The following SCG2 variants were observed in gnomAD, a reference collection of about 807,000 sequenced individuals.
SCG2 encodes the protein secretogranin-2.
Under a neutral mutation model 49.5 loss-of-function variants are expected in SCG2, and 23 were observed. The ratio of observed to expected loss-of-function variants is 0.46; its 90% CI spans 0.33 to 0.66. SCG2 has a LOEUF of 0.66. Among genes scored for constraint, SCG2 ranks in the 30% least tolerant of loss-of-function variants. SCG2 has a pLI of 0.01. For synonymous variants in SCG2, 288 were observed against 260.4 expected (o/e 1.11, Z -1.02); for missense variants, 730 against 728.2 (o/e 1.00, Z -0.03).
chr2:223,599,207 C>T lies in SCG2; in HGVS notation c.76G>A (p.Glu26Lys). ...TGGTTTCTCTGAAATGAAGCTGCTT[C>T]AGCCCCAGAGATGAGGAAAATTAAA... Reference protein sequence around the residue: ...IPLIFLISGAEAASFQRNQLL... With the variant: ...IPLIFLISGAKAASFQRNQLL... Residue 26 changes from glutamate (E) to lysine (K), a missense_variant, in exon 2 of 2, where the codon GAA (glutamate) becomes AAA (lysine). Glu to Lys is a moderately conservative substitution (Grantham distance 56). Coordinates refer to ENST00000305409, the MANE Select transcript of SCG2 (RefSeq NM_003469.5). 6.2e-7 allele frequency: 1 copy of T among 1,613,262 alleles called. No homozygotes were observed. Among genetic ancestry groups the T allele is most frequent in the Non-Finnish European group, 8.5e-7 (1 of 1,179,240 alleles).
In SCG2 at chr2:223,599,285, T is replaced by G. The variant is rs1353471194; in HGVS notation, c.-3A>C. On this transcript the variant is annotated 5_prime_UTR_variant, in exon 2 of 2. Coordinates refer to ENST00000305409, the MANE Select transcript of SCG2 (RefSeq NM_003469.5). ...CAGTGGGTCTTTGCTTCAGCCATGT[T>G]TGAAAGATTTCCTTAAAACATAAAA... 1 of 1,556,698 alleles carries G rather than the reference T, an allele frequency of 6.4e-7. No homozygotes were observed. Among genetic ancestry groups the G allele is most frequent in the East Asian group, 2.3e-5 (1 of 43,998 alleles).
In SCG2 at chr2:223,597,591, C is replaced by T. The variant is rs749325832; in HGVS notation, c.1692G>A (p.Pro564=). The T allele has an allele frequency of 5.3e-5, 86 of 1,613,954 alleles. No homozygotes were observed. Among genetic ancestry groups the T allele is most frequent in the African/African-American group, 3.6e-4 (27 of 74,896 alleles). Residue 564 remains proline (P), a synonymous_variant, in exon 2 of 2, where the codon CCG becomes CCA. Transcript: ENST00000305409. ...GSSQETDKLA[P]VSKRFPVGPP... is the part of the protein sequence containing the mutation. Reference sequence around the variant, plus strand: ...GCCCCACAGGGAACCTTTTGCTCACCGGGGCCAGCTTGTCAGTCTCCTGAG... The same window carrying T: ...GCCCCACAGGGAACCTTTTGCTCACTGGGGCCAGCTTGTCAGTCTCCTGAG...
At chr2:223,599,911 G>A (rs960195522) in intron 1 of SCG2, among the ~76,000 whole-genome samples, 1 of 152,256 alleles carries the variant, frequency 6.6e-6, no homozygotes, top group East Asian at 1.9e-4. Flanking sequence ...GTCCTATCCA[G>A]ATATATTTTT....
At position 223,598,303 on chromosome 2, in the gene SCG2, T is replaced by G; in HGVS notation, c.980A>C (p.Gln327Pro). 6.2e-7 allele frequency: 1 copy of G among 1,614,196 alleles called. No individual in the cohort carries two copies. The highest frequency in any genetic ancestry group is 1.1e-5 in the South Asian group (1 of 91,088). Residue 327 changes from glutamine to proline, a missense_variant, in exon 2 of 2, where the codon CAG becomes CCG. Coordinates refer to ENST00000305409, the MANE Select transcript of SCG2 (RefSeq NM_003469.5). ...GGCCCTTTCCCCATTTTGCCCATTCTGTAACCTCCCACTTCCTGCAGCATT... is the reference window on the plus strand; with the variant it reads ...GGCCCTTTCCCCATTTTGCCCATTCGGTAACCTCCCACTTCCTGCAGCATT... ...LVNAAGSGRL[Q>P]NGQNGERATR...
At chr2:223,601,755 G>T (rs1691394127) in intron 1 of SCG2, among the ~76,000 whole-genome samples, 1 of 152,226 alleles carries the variant, frequency 6.6e-6, no homozygotes, top group African/African-American at 2.4e-5. Flanking sequence ...GTTCAGAAAA[G>T]AATTTTATGT....
Position 223,599,512 on chromosome 2 carries a change from A to C in SCG2, c.-14-216T>G, listed in dbSNP as rs566503461. Among the ~76,000 whole-genome samples, 73 of 152,340 alleles carry C rather than the reference A, an allele frequency of 4.8e-4. 1 individual carries two copies. Among genetic ancestry groups the C allele is most frequent in the Non-Finnish European group, 6.9e-4 (47 of 68,018 alleles). ...TAGCAAAATTATTACTCATTCACCA[A>C]AAACTTGCATAGCATTCTCTTAGTT... On this transcript the variant is annotated intron_variant, in intron 1 of 1. Transcript: ENST00000305409.
At position 223,598,913 on chromosome 2, in the gene SCG2, C is replaced by G. The variant is rs776572864; in HGVS notation, c.370G>C (p.Glu124Gln). ...TTTTCTTTTGGTGCAGACTGAGGCTCATTTTCAGCCTGTCTCAAAGCTTCG... is the reference window on the plus strand; with the variant it reads ...TTTTCTTTTGGTGCAGACTGAGGCTGATTTTCAGCCTGTCTCAAAGCTTCG... ...ILEALRQAEN[E>Q]PQSAPKENKP... Residue 124 changes from glutamate to glutamine, a missense_variant, in exon 2 of 2, where the codon GAG becomes CAG. Physicochemically the swap from Glu to Gln is conservative, Grantham distance 29 (BLOSUM62 2). Transcript: ENST00000305409. 60 of 1,614,058 alleles carry G rather than the reference C, an allele frequency of 3.7e-5. No individual in the cohort carries two copies. Among genetic ancestry groups the G allele is most frequent in the Non-Finnish European group, 4.8e-5 (57 of 1,180,028 alleles).
Position 223,598,622 on chromosome 2 carries a change from C to T in SCG2, c.661G>A (p.Glu221Lys), listed in dbSNP as rs1209038419. The T allele has an allele frequency of 6.2e-7, 1 of 1,614,030 alleles. No individual in the cohort carries two copies. Among genetic ancestry groups the T allele is most frequent in the East Asian group, 2.2e-5 (1 of 44,898 alleles). Residue 221 changes from glutamate to lysine, a missense_variant, in exon 2 of 2, where the codon GAG becomes AAG. Coordinates refer to ENST00000305409, the MANE Select transcript of SCG2 (RefSeq NM_003469.5). ...PNNQKRERMDEEQKLYTDDED... is the reference protein window; with the variant it reads ...PNNQKRERMDKEQKLYTDDED... ...TCATCCGTATAAAGTTTTTGCTCCT[C>T]ATCCATCCTCTCACGTTTCTGGTTG...
chr2:223,598,130 G>C lies in SCG2; in HGVS notation c.1153C>G (p.Leu385Val). The change falls in exon 2 of 2, where the codon CTT becomes GTT. Residue 385 changes from leucine to valine, a missense_variant. Leu to Val is a conservative substitution (Grantham distance 32, BLOSUM62 1). Transcript: ENST00000305409. ...TCATCTAGGTCAACAGGAAGGTCAAGCTCCCGCTCCGGTTCCACTGATCCA... is the reference window on the plus strand; with the variant it reads ...TCATCTAGGTCAACAGGAAGGTCAACCTCCCGCTCCGGTTCCACTGATCCA... ...PNGSVEPERELDLPVDLDDIS... is the reference protein window; with the variant it reads ...PNGSVEPEREVDLPVDLDDIS... 2 of 1,611,242 alleles carry C rather than the reference G, an allele frequency of 1.2e-6. No homozygotes were observed. Among genetic ancestry groups the C allele is most frequent in the South Asian group, 2.2e-5 (2 of 90,730 alleles).
At position 223,598,767 on chromosome 2, in the gene SCG2, C is replaced by A; in HGVS notation, c.516G>T (p.Glu172Asp). 6.2e-7 allele frequency: 1 copy of A among 1,613,940 alleles called. No homozygotes were observed. The highest frequency in any genetic ancestry group is 1.3e-5 in the African/African-American group (1 of 75,034). The stretch of plus-strand genomic sequence containing the variant: ...GTTTAAAGGGGTTATCCCTGGAATT[C>A]TCTTCATACATAGGAGGGAATTGCA... ...KHMQFPPMYE[E>D]NSRDNPFKRT... is the part of the protein sequence containing the mutation. Residue 172 changes from glutamate (E) to aspartate (D), a missense_variant, in exon 2 of 2, where the codon GAG becomes GAT. Glu to Asp is a conservative substitution (Grantham distance 45). Transcript: ENST00000305409.
chr2:223,599,721 A>G (rs1691360811), intron 1 of SCG2, among the ~76,000 whole-genome samples: 1 of 152,214 alleles, frequency 6.6e-6, no homozygotes, highest in Admixed American at 6.5e-5. Context: ...CTTAATTTAA[A>G]ACATGCATTT....
At position 223,599,189 on chromosome 2, in the gene SCG2, T is replaced by C; in HGVS notation, c.94A>G (p.Arg32Gly). The C allele has an allele frequency of 1.2e-6, 2 of 1,613,872 alleles. No individual in the cohort carries two copies. The highest frequency in any genetic ancestry group is 1.7e-6 in the Non-Finnish European group (2 of 1,179,768). ...GGTTCTTTCTGAAGCAGCTGGTTTC[T>C]CTGAAATGAAGCTGCTTCAGCCCCA... ...ISGAEAASFQ[R>G]NQLLQKEPDL... Residue 32 changes from arginine (R) to glycine (G), a missense_variant, in exon 2 of 2, where the codon AGA (arginine) becomes GGA (glycine). Coordinates refer to ENST00000305409, the MANE Select transcript of SCG2 (RefSeq NM_003469.5).
rs1363478331 is a variant in SCG2 at position 223,602,272 on chromosome 2, A to G, written c.-15+13T>C. The G allele has an allele frequency of 6.6e-6, 1 of 152,192 alleles. No individual in the cohort carries two copies. The highest frequency in any genetic ancestry group is 1.5e-5 in the Non-Finnish European group (1 of 68,040). The allele number at this position is 152,192 out of a possible 1,614,324, so 9.4% of individuals were successfully genotyped here. A position where few individuals can be genotyped will look rare whatever the true frequency, so the allele number is the denominator to read the frequency against. Reference sequence around the variant, plus strand: ...GGAACTTTCCAATAAATCAAAGAGAAAAGCAGCCTTACCTCTTTTTGTTTA... The same window carrying G: ...GGAACTTTCCAATAAATCAAAGAGAGAAGCAGCCTTACCTCTTTTTGTTTA... On this transcript the variant is annotated intron_variant, in intron 1 of 1. Coordinates refer to ENST00000305409, the MANE Select transcript of SCG2 (RefSeq NM_003469.5).
At chr2:223,600,988 A>G (rs534977113) in intron 1 of SCG2, among the ~76,000 whole-genome samples, 1 of 152,268 alleles carries the variant, frequency 6.6e-6, no homozygotes, top group East Asian at 1.9e-4. Flanking sequence ...TAATCTTAAA[A>G]ACCTTACTGA....
chr2:223,602,251 CT>C (rs947995235), intron 1 of SCG2, 33 bp downstream of exon 1: 2 of 152,170 alleles, frequency 1.3e-5, no homozygotes, highest in African/African-American at 4.8e-5. Flanking sequence ...CAATTTGGAA[CT>C]TTCCAATAAA....
At position 223,597,778 on chromosome 2, in the gene SCG2, T is replaced by C; in HGVS notation, c.1505A>G (p.Gln502Arg). 5 of 1,614,210 alleles carry C rather than the reference T, an allele frequency of 3.1e-6. No homozygotes were observed. Among genetic ancestry groups the C allele is most frequent in the Non-Finnish European group, 3.4e-6 (4 of 1,180,036 alleles). The change falls in exon 2 of 2, where the codon CAA becomes CGA. Residue 502 changes from glutamine (Q) to arginine (R), a missense_variant. Physicochemically the swap from Gln to Arg is conservative, Grantham distance 43. Coordinates refer to ENST00000305409, the MANE Select transcript of SCG2 (RefSeq NM_003469.5). ...MAYENLNDKD[Q>R]ELGEYLARML... is the part of the protein sequence containing the mutation. The stretch of plus-strand genomic sequence containing the variant: ...CCTGGCCAAGTACTCACCTAATTCT[T>C]GATCCTTGTCGTTCAGGTTTTCATA...
At position 223,599,131 on chromosome 2, in the gene SCG2, G is replaced by C; in HGVS notation, c.152C>G (p.Pro51Arg). 6.2e-7 allele frequency: 1 copy of C among 1,614,078 alleles called. No homozygotes were observed. Among genetic ancestry groups the C allele is most frequent in the Non-Finnish European group, 8.5e-7 (1 of 1,179,974 alleles). The change falls in exon 2 of 2, where the codon CCC becomes CGC. Residue 51 changes from proline to arginine, a missense_variant. Physicochemically the swap from Pro to Arg is moderately radical, Grantham distance 103. Coordinates refer to ENST00000305409, the MANE Select transcript of SCG2 (RefSeq NM_003469.5). ...CAAAGCCCTGATCATTTCAGGACTG[G>C]GAAACTTTTGGACATTTTCCAACCT... ...DLRLENVQKF[P>R]SPEMIRALEY...
At position 223,598,836 on chromosome 2, in the gene SCG2, A is replaced by G; in HGVS notation, c.447T>C (p.Asp149=). Residue 149 remains aspartate (D), a synonymous_variant, in exon 2 of 2, where the codon GAT becomes GAC. Coordinates refer to ENST00000305409, the MANE Select transcript of SCG2 (RefSeq NM_003469.5). ...SEKNFPMDMS[D]DYETQQWPER... ...CTGGCCACTGCTGTGTCTCATAATC[A>G]TCACTCATGTCCATTGGAAAGTTCT... 1 of 1,614,156 alleles carries G rather than the reference A, an allele frequency of 6.2e-7. No individual in the cohort carries two copies. The highest frequency in any genetic ancestry group is 1.1e-5 in the South Asian group (1 of 91,076).
In SCG2 at chr2:223,598,101, G is replaced by C. The variant is rs1194179398; in HGVS notation, c.1182C>G (p.Ile394Met). 6.2e-7 allele frequency: 1 copy of C among 1,606,948 alleles called. No homozygotes were observed. The highest frequency in any genetic ancestry group is 1.7e-5 in the Admixed American group (1 of 59,312). ...CTGGATGGTCTAAGTCAGCCTCTGA[G>C]ATGTCATCTAGGTCAACAGGAAGGT... is the stretch of plus-strand genomic sequence containing the variant. ...ELDLPVDLDDISEADLDHPDL... is the reference protein window; with the variant it reads ...ELDLPVDLDDMSEADLDHPDL... The change falls in exon 2 of 2, where the codon ATC (isoleucine) becomes ATG (methionine). Residue 394 changes from isoleucine (I) to methionine (M), a missense_variant. Physicochemically the swap from Ile to Met is conservative, Grantham distance 10 (BLOSUM62 1). Transcript: ENST00000305409.
Sources: allele counts gnomAD v4.1 joint callset (sites outside exome capture counted in the v4.1 genomes callset), GRCh38; gene constraint gnomAD v4.1.1; transcripts MANE v1.5; gene names NCBI Gene and HGNC (gene_info 2026-07-23, HGNC 2026-07-21).